Variants in NR3C2 observed in about 807,000 individuals in gnomAD.
NR3C2 encodes the protein mineralocorticoid receptor.
NR3C2 carries 15 observed loss-of-function variants against 86.4 expected under a neutral mutation model. That is an observed-to-expected ratio of 0.17 (90% CI 0.12 to 0.27). The LOEUF is 0.27. NR3C2 is among the 10% of genes least tolerant of loss of function. The probability of loss-of-function intolerance (pLI) is 1.00; values close to 1 mark genes in which losing one functional copy is unlikely to be tolerated. For missense variants in NR3C2, 960 were observed against 1,195.6 expected (o/e 0.80, Z 2.91); for synonymous variants, 458 against 450.5 (o/e 1.02, Z -0.21).
intron 8 of NR3C2, among the ~76,000 whole-genome samples, chr4:148,106,320 A>G (rs895222979): frequency 6.6e-6 from 1 of 152,134 alleles, no homozygotes; most frequent in African/African-American, 2.4e-5. Context: ...TGTGAAGGAC[A>G]TCTTCAAGGA....
chr4:148,241,840 A>G (rs1739064711), intron 3 of NR3C2, among the ~76,000 whole-genome samples: 1 of 152,182 alleles, frequency 6.6e-6, no homozygotes, highest in Non-Finnish European at 1.5e-5. Flanking sequence ...GAAAATACAG[A>G]GTTTCATCAT....
chr4:148,233,840 TATAATA>T (rs1240837195), intron 3 of NR3C2, among the ~76,000 whole-genome samples: 5 of 151,880 alleles, frequency 3.3e-5, no homozygotes, highest in African/African-American at 9.7e-5. Context: ...CTATAACAGA[TATAATA>T]ATAATAATAA....
At chr4:148,425,265 A>C (rs1749471883) in intron 2 of NR3C2, among the ~76,000 whole-genome samples, 1 of 152,242 alleles carries the variant, frequency 6.6e-6, no homozygotes, top group Non-Finnish European at 1.5e-5. Flanking sequence ...AAAATGTACA[A>C]GTAACAGGCC....
At chr4:148,228,481 G>T (rs1738293475) in intron 3 of NR3C2, among the ~76,000 whole-genome samples, 1 of 152,096 alleles carries the variant, frequency 6.6e-6, no homozygotes, top group African/African-American at 2.4e-5. Flanking sequence ...AAGCTGCAAT[G>T]ATTTTTTTGC....
intron 4 of NR3C2, among the ~76,000 whole-genome samples, chr4:148,192,664 TG>T (rs900321545): frequency 2.4e-5 from 3 of 126,708 alleles, no homozygotes; most frequent in Admixed American, 8.3e-5. Flanking sequence ...GTGGCTGCTG[TG>T]GGGGGTGGGG....
chr4:148,269,361 G>A (rs1454579363), intron 2 of NR3C2, among the ~76,000 whole-genome samples: 1 of 152,028 alleles, frequency 6.6e-6, no homozygotes, highest in Non-Finnish European at 1.5e-5. Flanking sequence ...CCTTATCGAC[G>A]GTAGTTTTTA....
chr4:148,277,493 A>G (rs2149892477), intron 2 of NR3C2, among the ~76,000 whole-genome samples: 1 of 152,280 alleles, frequency 6.6e-6, no homozygotes, highest in East Asian at 1.9e-4. Flanking sequence ...AGGCATGAGG[A>G]TTGCTTGAGC....
chr4:148,152,747 A>C (rs1057036285), intron 5 of NR3C2, 134 bp from the exon 6 acceptor site: 17 of 852,998 alleles, frequency 2.0e-5, no homozygotes, highest in Non-Finnish European at 2.9e-5. Flanking sequence ...AAATCAATTC[A>C]ACAGTCATTT....
chr4:148,316,787 T>TG (rs1743205916), intron 2 of NR3C2, among the ~76,000 whole-genome samples: 1 of 152,118 alleles, frequency 6.6e-6, no homozygotes. Context: ...TTTTTTCTTT[T>TG]TTGTTGTTGT....
At chr4:148,200,193 C>T (rs953038972) in intron 3 of NR3C2, among the ~76,000 whole-genome samples, 5 of 152,204 alleles carry the variant, frequency 3.3e-5, no homozygotes, top group African/African-American at 1.2e-4. Context: ...GGTAGCCCAG[C>T]CACTTCCAGA....
intron 2 of NR3C2, among the ~76,000 whole-genome samples, chr4:148,323,725 G>A (rs1227240940): frequency 4.4e-4 from 67 of 152,064 alleles, no homozygotes; most frequent in Admixed American, 4.2e-3. Context: ...GCAATGCCTC[G>A]CCCTGCTTCG....
rs560217595 is a variant in NR3C2, at chr4:148,103,805, T to A, written c.2799+10299A>T. On this transcript the variant is annotated intron_variant, in intron 8 of 8. Transcript: ENST00000358102. ...CTTTCTACCTCTACGCGGAGTTACA[T>A]ATTCCAGTCAGACTCCACGGCCCCA... is the stretch of plus-strand genomic sequence containing the variant. Among the ~76,000 whole-genome samples, 6 of 152,234 alleles carry A rather than the reference T, an allele frequency of 3.9e-5. No individual in the cohort carries two copies. In the South Asian group the frequency reaches 1.2e-3, roughly 32 times the overall value.
intron 2 of NR3C2, among the ~76,000 whole-genome samples, chr4:148,303,703 G>A (rs1177855818): frequency 2.6e-5 from 4 of 152,096 alleles, no homozygotes; most frequent in Non-Finnish European, 4.4e-5. Context: ...AGAGGCAGAC[G>A]ATAATGGAAG....
At chr4:148,235,705 A>G (rs1475265579) in intron 3 of NR3C2, among the ~76,000 whole-genome samples, 1 of 143,540 alleles carries the variant, frequency 7.0e-6, no homozygotes, top group African/African-American at 2.6e-5. Flanking sequence ...ATTTAATTTT[A>G]AACCAGGAGA....
intron 3 of NR3C2, among the ~76,000 whole-genome samples, chr4:148,253,085 A>T (rs1739652547): frequency 6.6e-6 from 1 of 152,204 alleles, no homozygotes; most frequent in South Asian, 2.1e-4. Flanking sequence ...TTTTCTAATA[A>T]ATTACTTCAA....
At chr4:148,397,286 TGA>T (rs1208181038) in intron 2 of NR3C2, among the ~76,000 whole-genome samples, 1 of 152,208 alleles carries the variant, frequency 6.6e-6, no homozygotes, top group Non-Finnish European at 1.5e-5. Context: ...TAGACCTGGG[TGA>T]GCCATGGGCT....
Position 148,170,125 on chromosome 4 carries a change from C to T in NR3C2, c.2015-15224G>A, listed in dbSNP as rs554517857. Among the ~76,000 whole-genome samples the T allele has an allele frequency of 3.3e-5, 5 of 152,292 alleles. No homozygotes were observed. The South Asian group carries it at 8.3e-4, about 25-fold the overall frequency. ...GGTCCTGTGTATTGTACAGTGTTAG[C>T]AGCATTCCTGGCCCTCTACCCAAAA... On this transcript the variant is annotated intron_variant, in intron 4 of 8. Transcript: ENST00000358102.
At chr4:148,292,423 G>A (rs3910058) in intron 2 of NR3C2, among the ~76,000 whole-genome samples, 150,557 of 152,210 alleles carry the variant, frequency 0.99, 74,483 homozygotes, top group East Asian at 1. Flanking sequence ...AAAAATGTAG[G>A]ATGTCATGTT....
chr4:148,191,263 A>C (rs1262915726), intron 4 of NR3C2, among the ~76,000 whole-genome samples: 2 of 152,112 alleles, frequency 1.3e-5, no homozygotes, highest in Admixed American at 6.5e-5. Context: ...CTGGATACAA[A>C]ATTTTTGGCT....
Sources: gnomAD v4.1 joint callset for allele counts (sites outside exome capture counted in the v4.1 genomes callset) on GRCh38, gnomAD v4.1.1 for gene constraint, MANE v1.5 for transcripts, NCBI Gene and HGNC (gene_info 2026-07-23, HGNC 2026-07-21) for gene names.